The following ASXL2 variants were observed in gnomAD, a reference collection of about 807,000 sequenced individuals.
ASXL2 encodes the protein putative Polycomb group protein ASXL2.
In ASXL2, 23 loss-of-function variants were observed where a neutral mutation model predicts 122.0. The observed-to-expected ratio is 0.19, with a 90% confidence interval of 0.14 to 0.27. ASXL2 has a LOEUF of 0.27. Among genes scored for constraint, ASXL2 ranks in the 10% least tolerant of loss-of-function variants. ASXL2 has a pLI of 1.00. For missense variants in ASXL2, 1,518 were observed against 1,713.8 expected (o/e 0.89, Z 2.02); for synonymous variants, 650 against 637.0 (o/e 1.02, Z -0.31).
intron 1 of ASXL2, among the ~76,000 whole-genome samples, chr2:25,857,153 TATGTGGTAAGCC>T (rs1268014266): frequency 1.3e-5 from 2 of 149,238 alleles, no homozygotes; most frequent in Non-Finnish European, 1.5e-5. Context: ...CTCTTTCCAA[TATGTGGTAAGCC>T]ATGTGGTGAG....
At chr2:25,817,490 T>C (rs2089251851) in intron 3 of ASXL2, among the ~76,000 whole-genome samples, 1 of 152,318 alleles carries the variant, frequency 6.6e-6, no homozygotes, top group East Asian at 1.9e-4. Context: ...TATTCCTACT[T>C]AAAAGTTTTT....
intron 9 of ASXL2, among the ~76,000 whole-genome samples, chr2:25,758,573 C>G (rs879349549): frequency 6.6e-6 from 1 of 152,042 alleles, no homozygotes; most frequent in Non-Finnish European, 1.5e-5. Context: ...TGATGAAAGC[C>G]AAAGTCTCAG....
chr2:25,833,819 T>C (rs575611609), intron 3 of ASXL2, among the ~76,000 whole-genome samples: 22 of 152,294 alleles, frequency 1.4e-4, no homozygotes, highest in Admixed American at 1.4e-3. Context: ...AAGTTCACTC[T>C]TCCCTTAAAG....
At chr2:25,869,542 C>G (rs2089943686) in intron 1 of ASXL2, among the ~76,000 whole-genome samples, 1 of 152,134 alleles carries the variant, frequency 6.6e-6, no homozygotes, top group Admixed American at 6.6e-5. Flanking sequence ...TATTTCACAG[C>G]CGGGTGCAGT....
At chr2:25,837,953 C>CAAA (rs34490545) in intron 2 of ASXL2, among the ~76,000 whole-genome samples, 11 of 65,324 alleles carry the variant, frequency 1.7e-4, no homozygotes, top group Non-Finnish European at 2.0e-4. Context: ...CCTGTCTCTA[C>CAAA]AAAAAAAAAA....
At chr2:25,846,102 G>C (rs1381829672) in intron 1 of ASXL2, among the ~76,000 whole-genome samples, 3 of 152,296 alleles carry the variant, frequency 2.0e-5, no homozygotes, top group South Asian at 2.1e-4. Flanking sequence ...TGGACTTAAA[G>C]GCAGCCCAAA....
rs1045733656 is a variant in ASXL2, at chr2:25,735,593, T to C, written c.*6436A>G. 4 of 152,222 alleles carry C rather than the reference T, an allele frequency of 2.6e-5. No homozygotes were observed. Among genetic ancestry groups the C allele is most frequent in the African/African-American group, 9.6e-5 (4 of 41,470 alleles). 9.4% of individuals were successfully genotyped at this position (152,222 alleles called of 1,614,324 possible). A position where few individuals can be genotyped will look rare whatever the true frequency, so the allele number is the denominator to read the frequency against. ...AAGAAAAATTCCCTTTAGCTTCTTT[T>C]AGGTTTGAACAGTGACAGGAAAGCT... On this transcript the variant is annotated 3_prime_UTR_variant, in exon 13 of 13. Coordinates refer to ENST00000435504, the MANE Select transcript of ASXL2 (RefSeq NM_018263.6).
chr2:25,754,130 G>A (rs1223612543), intron 10 of ASXL2, among the ~76,000 whole-genome samples: 2 of 152,054 alleles, frequency 1.3e-5, no homozygotes, highest in African/African-American at 4.8e-5. Flanking sequence ...CCAGTAAAAA[G>A]GTAGGGAGTT....
chr2:25,756,107 G>C lies in ASXL2; in HGVS notation c.947C>G (p.Pro316Arg). ...LLPEVDRQVG[P>R]DGLMKLNGSA... ...GCCATTTAACTTCATTAAACCATCT[G>C]GACCAACCTGGGTCAAAGAATAAGC... Residue 316 changes from proline (P) to arginine (R), a missense_variant, in exon 10 of 13, where the codon CCA (proline) becomes CGA (arginine). Transcript: ENST00000435504. 1 of 1,597,016 alleles carries C rather than the reference G, an allele frequency of 6.3e-7. No individual in the cohort carries two copies. The highest frequency in any genetic ancestry group is 1.4e-5 in the African/African-American group (1 of 73,930).
intron 10 of ASXL2, 34 bp downstream of exon 10, chr2:25,755,984 A>G (rs1241126893): frequency 2.6e-6 from 4 of 1,557,098 alleles, no homozygotes; most frequent in Non-Finnish European, 3.5e-6. Flanking sequence ...GAGTGCACAC[A>G]CCACCTGGGA....
chr2:25,810,116 T>A, intron 3 of ASXL2: 2 of 552,740 alleles, frequency 3.6e-6, no homozygotes, highest in Non-Finnish European at 7.1e-6. Context: ...CTCTTCCACG[T>A]TTGTCTTCTT....
chr2:25,746,055 T>C (rs2087936153), intron 12 of ASXL2, among the ~76,000 whole-genome samples: 1 of 152,178 alleles, frequency 6.6e-6, no homozygotes, highest in South Asian at 2.1e-4. Flanking sequence ...CAACAAGATG[T>C]GGACTCTTCT....
chr2:25,754,851 G>A (rs1277511970), intron 10 of ASXL2, among the ~76,000 whole-genome samples: 1 of 151,776 alleles, frequency 6.6e-6, no homozygotes, highest in South Asian at 2.1e-4. Context: ...AGGGGTCTCT[G>A]CCCAAAAATA....
At chr2:25,775,260 T>A (rs1359060708) in intron 5 of ASXL2, among the ~76,000 whole-genome samples, 2 of 152,182 alleles carry the variant, frequency 1.3e-5, no homozygotes, top group Non-Finnish European at 2.9e-5. Flanking sequence ...CCTGAGTAGC[T>A]AGGATTACAG....
At chr2:25,826,308 T>A (rs1240205476) in intron 3 of ASXL2, among the ~76,000 whole-genome samples, 1 of 152,198 alleles carries the variant, frequency 6.6e-6, no homozygotes, top group African/African-American at 2.4e-5. Flanking sequence ...GTTTAAGTAT[T>A]TTAAGACTTC....
At chr2:25,826,762 TAA>T (rs55765302) in intron 3 of ASXL2, among the ~76,000 whole-genome samples, 13 of 68,088 alleles carry the variant, frequency 1.9e-4, no homozygotes, top group South Asian at 7.9e-4. Context: ...ACTTTCAAGG[TAA>T]AAAAAAAAAA....
rs2090029440 is a variant in ASXL2 at position 25,878,441 on chromosome 2, G to A, written c.-219C>T. 4 of 593,036 alleles carry A rather than the reference G, an allele frequency of 6.7e-6. No homozygotes were observed. Among genetic ancestry groups the A allele is most frequent in the African/African-American group, 1.9e-5 (1 of 53,400 alleles). The allele number at this position is 593,036 out of a possible 1,614,324, so 36.7% of individuals were successfully genotyped here. A position where few individuals can be genotyped will look rare whatever the true frequency, so the allele number is the denominator to read the frequency against. ...TGCTGCCGTTGCCACTGCTACCGCC[G>A]CTGCCATATTGGGTTCTTACTGTAC... On this transcript the variant is annotated 5_prime_UTR_variant, in exon 1 of 13. Coordinates refer to ENST00000435504, the MANE Select transcript of ASXL2 (RefSeq NM_018263.6).
intron 5 of ASXL2, among the ~76,000 whole-genome samples, chr2:25,788,032 A>G (rs2088775990): frequency 6.6e-6 from 1 of 152,274 alleles, no homozygotes; most frequent in African/African-American, 2.4e-5. Context: ...GACAAAACAC[A>G]ACAGAACAAA....
At chr2:25,772,185 A>G (rs1242110592) in intron 5 of ASXL2, among the ~76,000 whole-genome samples, 1 of 152,232 alleles carries the variant, frequency 6.6e-6, no homozygotes, top group African/African-American at 2.4e-5. Context: ...TTAAGAATCT[A>G]TACCTCTTAA....
Sources: gnomAD v4.1 joint callset for allele counts (sites outside exome capture counted in the v4.1 genomes callset) on GRCh38, gnomAD v4.1.1 for gene constraint, MANE v1.5 for transcripts, NCBI Gene and HGNC (gene_info 2026-07-23, HGNC 2026-07-21) for gene names.